SMIM3: variants seen among roughly 807,000 people sequenced by gnomAD.
SMIM3 encodes small integral membrane protein 3, also known as NGF-induced differentiation clone 67 protein.
SMIM3 carries 4 observed loss-of-function variants against 2.1 expected under a neutral mutation model. The ratio of observed to expected loss-of-function variants is 1.89; its 90% CI spans 0.93 to 4.31. SMIM3 has a LOEUF of 4.31. SMIM3 is among the 30% of genes most tolerant of loss of function. The pLI, the probability that SMIM3 is intolerant of heterozygous loss-of-function variation, is 0.01. For synonymous variants in SMIM3, 29 were observed against 30.8 expected (o/e 0.94, Z 0.19); for missense variants, 79 against 77.7 (o/e 1.02, Z -0.06).
chr5:150,788,071 C>T (rs552042813), intron 1 of SMIM3, among the ~76,000 whole-genome samples: 68 of 152,274 alleles, frequency 4.5e-4, no homozygotes, highest in Non-Finnish European at 8.1e-4. Flanking sequence ...GAGTAGATAA[C>T]ACAGGCTTGT....
chr5:150,795,078 T>G (rs1310586901), intron 1 of SMIM3, among the ~76,000 whole-genome samples: 2 of 152,188 alleles, frequency 1.3e-5, no homozygotes, highest in Admixed American at 1.3e-4. Context: ...GGGTTCATGT[T>G]CTCGGTCAAA....
chr5:150,787,755 A>G lies in SMIM3; in HGVS notation c.-11-7675A>G, dbSNP rs145044487. Among the ~76,000 whole-genome samples, 526 of 152,368 alleles carry G rather than the reference A, an allele frequency of 3.5e-3. 2 individuals carry two copies. The highest frequency in any genetic ancestry group is 0.011 in the African/African-American group (472 of 41,582). ...TAGTACAAATTTGTGAAATAAAACA[A>G]TTTATTTTTGTTTTTACAAATTTAA... On this transcript the variant is annotated intron_variant, in intron 1 of 1. Transcript: ENST00000526627.
chr5:150,779,091 C>A, intron 1 of SMIM3, 119 bp downstream of exon 1: 1 of 431,386 alleles, frequency 2.3e-6, no homozygotes. Flanking sequence ...TCTTTATGTC[C>A]GGTCTCTCCT....
chr5:150,788,030 GA>G (rs1753310677), intron 1 of SMIM3, among the ~76,000 whole-genome samples: 1 of 152,166 alleles, frequency 6.6e-6, no homozygotes, highest in African/African-American at 2.4e-5. Flanking sequence ...TCCTGTCAGA[GA>G]GGAAAAAGTT....
At chr5:150,791,462 G>A (rs1462871291) in intron 1 of SMIM3, among the ~76,000 whole-genome samples, 1 of 152,002 alleles carries the variant, frequency 6.6e-6, no homozygotes, top group Admixed American at 6.5e-5. Context: ...CTGCTTCTAT[G>A]GGTCTGATAT....
Position 150,795,601 on chromosome 5 carries a change from C to T in SMIM3, c.161C>T (p.Pro54Leu), listed in dbSNP as rs760628507. The T allele has an allele frequency of 2.4e-5, 38 of 1,558,508 alleles. No homozygotes were observed. The highest frequency in any genetic ancestry group is 5.4e-5 in the African/African-American group (4 of 73,828). Residue 54 changes from proline (P) to leucine (L), a missense_variant, in exon 2 of 2, where the codon CCG becomes CTG. Transcript: ENST00000526627. ...ATCATCTATCGCATGCGGACTCATC[C>T]GATCCTTAGTGGGGCTGTTTGAGAG... Reference protein sequence around the residue: ...AVIIYRMRTHPILSGAV With the variant: ...AVIIYRMRTHLILSGAV
In SMIM3 at chr5:150,789,116, C is replaced by T. The variant is rs140274761; in HGVS notation, c.-11-6314C>T. On this transcript the variant is annotated intron_variant, in intron 1 of 1. Coordinates refer to ENST00000526627, the MANE Select transcript of SMIM3 (RefSeq NM_032947.5). The stretch of plus-strand genomic sequence containing the variant: ...AATTTGTGACATAAATGGTTTGGGC[C>T]ATATCCAACATGAACCATTAATAAG... Among the ~76,000 whole-genome samples, 17 of 152,072 alleles carry T rather than the reference C, an allele frequency of 1.1e-4. No individual in the cohort carries two copies. In the East Asian group the frequency reaches 3.3e-3, roughly 29 times the overall value.
chr5:150,789,938 T>A (rs1430551418), intron 1 of SMIM3, among the ~76,000 whole-genome samples: 1 of 152,178 alleles, frequency 6.6e-6, no homozygotes, highest in Non-Finnish European at 1.5e-5. Flanking sequence ...TTACTTTAGC[T>A]GTTGGGTATT....
At chr5:150,787,729 A>G (rs561274010) in intron 1 of SMIM3, among the ~76,000 whole-genome samples, 2 of 152,352 alleles carry the variant, frequency 1.3e-5, no homozygotes, top group Non-Finnish European at 2.9e-5. Flanking sequence ...GCAAATACAA[A>G]TAGTACAAAT....
In SMIM3 at chr5:150,784,626, A is replaced by C. The variant is rs1044698542; in HGVS notation, c.-12+5654A>C. Among the ~76,000 whole-genome samples the C allele has an allele frequency of 4.6e-5, 7 of 152,200 alleles. 1 individual carries two copies. Among genetic ancestry groups the C allele is most frequent in the Admixed American group, 2.0e-4 (3 of 15,278 alleles). On this transcript the variant is annotated intron_variant, in intron 1 of 1. Transcript: ENST00000526627. ...CTTGGCCTTATACTAGTAAGGGACT[A>C]CCAGCGTATGTGATTCATGGTTACA...
At chr5:150,779,714 G>A (rs1394301254) in intron 1 of SMIM3, among the ~76,000 whole-genome samples, 1 of 152,114 alleles carries the variant, frequency 6.6e-6, no homozygotes, top group African/African-American at 2.4e-5. Context: ...AGTTTCTTGA[G>A]GGTAGGGACT....
At chr5:150,786,035 C>T (rs1199976573) in intron 1 of SMIM3, among the ~76,000 whole-genome samples, 1 of 152,062 alleles carries the variant, frequency 6.6e-6, no homozygotes, top group African/African-American at 2.4e-5. Flanking sequence ...TCTTTCTTTT[C>T]TCCTTCTGAT....
At chr5:150,789,828 C>T (rs568572683) in intron 1 of SMIM3, among the ~76,000 whole-genome samples, 18 of 152,268 alleles carry the variant, frequency 1.2e-4, no homozygotes, top group African/African-American at 4.1e-4. Context: ...ATCTCTAGTG[C>T]TTAGGGTCTC....
At chr5:150,789,534 C>G (rs1028994861) in intron 1 of SMIM3, among the ~76,000 whole-genome samples, 11 of 152,136 alleles carry the variant, frequency 7.2e-5, no homozygotes, top group Non-Finnish European at 1.5e-5. Context: ...AATCTTGGAA[C>G]AGTAGCTCTG....
chr5:150,784,363 C>A (rs555520304), intron 1 of SMIM3, among the ~76,000 whole-genome samples: 2 of 152,302 alleles, frequency 1.3e-5, no homozygotes, highest in East Asian at 3.9e-4. Context: ...GCCAAAGCCA[C>A]CAGGACTCCA....
At chr5:150,795,291 T>C (rs1458978087) in intron 1 of SMIM3, 139 bp from the exon 2 acceptor site, 6 of 854,666 alleles carry the variant, frequency 7.0e-6, no homozygotes, top group Non-Finnish European at 1.2e-5. Flanking sequence ...AATGAAGCCA[T>C]TGTAATTACT....
At chr5:150,795,330 T>G (rs67669533) in intron 1 of SMIM3, 100 bp from the exon 2 acceptor site, 195,063 of 1,227,718 alleles carry the variant, frequency 0.16, 21,497 homozygotes, top group East Asian at 0.57. Context: ...TTTACATATC[T>G]GGTAAGTGAC....
intron 1 of SMIM3, among the ~76,000 whole-genome samples, chr5:150,790,884 T>C (rs1753342889): frequency 6.6e-6 from 1 of 152,180 alleles, no homozygotes; most frequent in Non-Finnish European, 1.5e-5. Context: ...TGATCTAGTC[T>C]CATCTCTTAA....
intron 1 of SMIM3, among the ~76,000 whole-genome samples, chr5:150,780,967 C>T (rs1445562465): frequency 2.6e-5 from 4 of 152,194 alleles, no homozygotes; most frequent in Admixed American, 1.3e-4. Context: ...AATGATCATA[C>T]TTGCCATTTA....
Sources: gnomAD v4.1 joint callset for allele counts (sites outside exome capture counted in the v4.1 genomes callset) on GRCh38, gnomAD v4.1.1 for gene constraint, MANE v1.5 for transcripts, NCBI Gene and HGNC (gene_info 2026-07-23, HGNC 2026-07-21) for gene names.